The following SCART1 variants were observed in gnomAD, a reference collection of about 807,000 sequenced individuals.
SCART1 encodes scavenger receptor family member expressed on T cells 1.
In SCART1, 62 loss-of-function variants were observed where a neutral mutation model predicts 36.2. The observed-to-expected ratio is 1.71, with a 90% CI of 1.40 to 2.12. The LOEUF (loss-of-function observed/expected upper bound fraction) is 2.12, where lower values mean the gene tolerates loss of function less well. Ranked by LOEUF, SCART1 falls within the 30% of genes most tolerant of loss-of-function variation. The probability of loss-of-function intolerance (pLI) is 0.00; values close to 1 mark genes in which losing one functional copy is unlikely to be tolerated. For missense variants in SCART1, 1,041 were observed against 540.5 expected (o/e 1.93, Z -9.18); for synonymous variants, 487 against 238.7 (o/e 2.04, Z -9.59).
At chr10:133,466,090 C>G in intron 9 of SCART1, 145 bp from the exon 10 acceptor site, 1 of 627,378 alleles carries the variant, frequency 1.6e-6, no homozygotes, top group Non-Finnish European at 2.8e-6. Context: ...ACAGCTGAAA[C>G]CAGCAGATGC....
At chr10:133,456,608 A>G in intron 2 of SCART1, 54 bp downstream of exon 2, 1 of 616,556 alleles carries the variant, frequency 1.6e-6, no homozygotes, top group Middle Eastern at 3.7e-4. Context: ...GAGTGGGAGG[A>G]CGAGGAGGAG....
At chr10:133,457,746 C>T (rs1270472449) in intron 3 of SCART1, 171 bp downstream of exon 3, 3 of 564,640 alleles carry the variant, frequency 5.3e-6, no homozygotes, top group Non-Finnish European at 6.2e-6. Context: ...TGGTTCTCAG[C>T]AGAGTGGAGC....
exon 4 of SCART1, chr10:133,458,395 C>T: frequency 1.4e-6 from 1 of 702,462 alleles, no homozygotes; most frequent in South Asian, 1.5e-5. Flanking sequence ...CGGCGAGCAC[C>T]CCTGCGCCGG....
At chr10:133,459,512 G>A (rs1003052140) in exon 6 of SCART1, 6 of 663,372 alleles carry the variant, frequency 9.0e-6, no homozygotes, top group African/African-American at 7.2e-5. Flanking sequence ...TGCGACTGAG[G>A]GAAGGACAGA....
At position 133,468,121 on chromosome 10, in the gene SCART1, G is replaced by T; in HGVS notation, c.*153G>T. 4 of 550,080 alleles carry T rather than the reference G, an allele frequency of 7.3e-6. No individual in the cohort carries two copies. The South Asian group carries it at 9.9e-5, about 14-fold the overall frequency. 34.1% of individuals were successfully genotyped at this position (550,080 alleles called of 1,614,324 possible). A position where few individuals can be genotyped will look rare whatever the true frequency, so the allele number is the denominator to read the frequency against. ...GTAAAATCCAGTCCTTCCAGGCCCT[G>T]CCTGGCTCTAAACCTCATCCCCTTC... On this transcript the variant is annotated 3_prime_UTR_variant, in exon 12 of 12. Coordinates refer to ENST00000640237, the Ensembl canonical transcript of SCART1.
chr10:133,465,449 T>C, exon 9 of SCART1: 2 of 536,800 alleles, frequency 3.7e-6, no homozygotes, highest in Non-Finnish European at 6.5e-6. Context: ...TCCGGGCCCG[T>C]GTGGCTGGAC....
At chr10:133,459,561 G>T (rs1451441753) in exon 6 of SCART1, 1 of 681,596 alleles carries the variant, frequency 1.5e-6, no homozygotes, top group Non-Finnish European at 2.7e-6. Flanking sequence ...CCTGGATGGC[G>T]TGTGGGGCCG....
At chr10:133,465,861 C>T in intron 9 of SCART1, 1 of 691,166 alleles carries the variant, frequency 1.4e-6, no homozygotes, top group African/African-American at 1.8e-5. Context: ...CCCTGCACCT[C>T]ATTCTCTTTG....
At chr10:133,467,398 C>G (rs559979636) in intron 11 of SCART1, 45 bp downstream of exon 11, 1 of 668,228 alleles carries the variant, frequency 1.5e-6, no homozygotes, top group South Asian at 1.6e-5. Flanking sequence ...GGGTGGGCTA[C>G]GGATGCTGAC....
intron 6 of SCART1, among the ~76,000 whole-genome samples, chr10:133,461,026 G>A (rs573173090): frequency 2.6e-5 from 4 of 152,198 alleles, no homozygotes; most frequent in Admixed American, 6.5e-5. Flanking sequence ...GTGAGCCACC[G>A]CACCTGACCA....
chr10:133,464,901 T>G (rs2133558352), exon 7 of SCART1: 5 of 702,860 alleles, frequency 7.1e-6, no homozygotes, highest in Non-Finnish European at 1.3e-5. Flanking sequence ...TCTTGCGACC[T>G]TCGAGAGCAG....
intron 6 of SCART1, among the ~76,000 whole-genome samples, chr10:133,462,516 T>G (rs1373127621): frequency 6.6e-6 from 1 of 152,208 alleles, no homozygotes; most frequent in East Asian, 1.9e-4. Context: ...CACCCAGAGA[T>G]AAAGCCATCG....
chr10:133,464,444 T>C (rs113085170), intron 6 of SCART1, 162 bp from the exon 7 acceptor site: 1 of 581,570 alleles, frequency 1.7e-6, no homozygotes, highest in Admixed American at 3.1e-5. Context: ...GTGGGATTGC[T>C]GGATTGTGTA....
intron 6 of SCART1, 148 bp downstream of exon 6, chr10:133,460,318 G>A (rs960119408): frequency 3.0e-5 from 12 of 397,552 alleles, no homozygotes; most frequent in African/African-American, 2.3e-4. Context: ...GGTTCCTGTT[G>A]GTATAGTAAG....
downstream of SCART1, among the ~76,000 whole-genome samples, chr10:133,469,594 G>C (rs1305618299): frequency 1.4e-5 from 2 of 144,000 alleles, no homozygotes; most frequent in Admixed American, 6.8e-5. Context: ...GGCCTGTCAG[G>C]GGGTGGGGGG....
chr10:133,459,435 T>G, intron 5 of SCART1, 52 bp from the exon 6 acceptor site: 1 of 619,220 alleles, frequency 1.6e-6, no homozygotes, highest in Non-Finnish European at 2.9e-6. Flanking sequence ...TGGGGGGTGG[T>G]CCTGGGTCCC....
At chr10:133,457,625 C>T in intron 3 of SCART1, 50 bp downstream of exon 3, 1 of 625,946 alleles carries the variant, frequency 1.6e-6, no homozygotes, top group South Asian at 1.8e-5. Flanking sequence ...GATGCTGGGC[C>T]CGGACCTGGG....
rs74162021 is a variant in SCART1, at chr10:133,456,582, G to A, written c.385+28G>A. 5.6e-3 allele frequency: 3,565 copies of A among 631,834 alleles called. 92 individuals are homozygous for A. In the African/African-American group the frequency reaches 0.057, roughly 10 times the overall value. 39.1% of individuals were successfully genotyped at this position (631,834 alleles called of 1,614,324 possible). On this transcript the variant is annotated intron_variant, in intron 2 of 11. Coordinates refer to ENST00000640237, the Ensembl canonical transcript of SCART1. ...AAGTAGGGAGGAGTGAAGGGGACGG[G>A]GCTGAGGAGGAGGAGGAGTGGGAGG...
chr10:133,465,942 A>T (rs1037321544), intron 9 of SCART1: 4 of 670,834 alleles, frequency 6.0e-6, no homozygotes, highest in Non-Finnish European at 8.2e-6. Context: ...TCCCTGAGCC[A>T]CTCCCATTCT....
Sources: allele counts gnomAD v4.1 joint callset (sites outside exome capture counted in the v4.1 genomes callset), GRCh38; gene constraint gnomAD v4.1.1; transcripts MANE v1.5; gene names NCBI Gene and HGNC (gene_info 2026-07-23, HGNC 2026-07-21).